NTRK2: variants seen among roughly 807,000 people sequenced by gnomAD.
NTRK2 encodes BDNF/NT-3 growth factors receptor.
NTRK2 carries 13 observed loss-of-function variants against 94.5 expected under a neutral mutation model. The ratio of observed to expected loss-of-function variants is 0.14; its 90% confidence interval spans 0.09 to 0.22. The LOEUF (loss-of-function observed/expected upper bound fraction) is 0.22, where lower values mean the gene tolerates loss of function less well. Among genes scored for constraint, NTRK2 ranks in the 10% least tolerant of loss-of-function variants. The pLI is 1.00. For missense variants in NTRK2, 639 were observed against 1,071.2 expected (o/e 0.60, Z 5.63); for synonymous variants, 372 against 407.4 (o/e 0.91, Z 1.05).
At chr9:84,729,953 A>C (rs1327065750) in intron 9 of NTRK2, among the ~76,000 whole-genome samples, 1 of 152,222 alleles carries the variant, frequency 6.6e-6, no homozygotes, top group African/African-American at 2.4e-5. Flanking sequence ...ATTTTCATTG[A>C]TCATTTCTGC....
At chr9:85,006,003 G>T (rs146140146) in intron 17 of NTRK2, among the ~76,000 whole-genome samples, 11 of 152,242 alleles carry the variant, frequency 7.2e-5, no homozygotes, top group Non-Finnish European at 1.5e-4. Context: ...TCACATCCGT[G>T]ACCCCTGTGC....
intron 10 of NTRK2, among the ~76,000 whole-genome samples, chr9:84,742,799 T>G (rs1588299330): frequency 7.4e-6 from 1 of 134,674 alleles, no homozygotes; most frequent in Non-Finnish European, 1.5e-5. Context: ...GTTTTTTTTT[T>G]TTTTTTTTTT....
rs190327289 is a variant in NTRK2, at chr9:84,768,363, A to C, written c.1396+16278A>C. Among the ~76,000 whole-genome samples the C allele has an allele frequency of 1.6e-3, 240 of 152,238 alleles. 1 individual carries two copies. The highest frequency in any genetic ancestry group is 2.3e-3 in the Non-Finnish European group (157 of 68,000). On this transcript the variant is annotated intron_variant, in intron 12 of 18. Transcript: ENST00000277120. ...TATTTTGTAACTGTAGTAATTGTTGAGAATTTTGTTTGTGGAAGACACTCA... is the reference window on the plus strand; with the variant it reads ...TATTTTGTAACTGTAGTAATTGTTGCGAATTTTGTTTGTGGAAGACACTCA...
intron 10 of NTRK2, among the ~76,000 whole-genome samples, chr9:84,744,444 T>C (rs769627298): frequency 6.6e-6 from 1 of 152,210 alleles, no homozygotes; most frequent in Non-Finnish European, 1.5e-5. Flanking sequence ...CTCTGCCCTT[T>C]GTGCAAATAA....
At chr9:84,980,135 C>G (rs1471255790) in intron 17 of NTRK2, among the ~76,000 whole-genome samples, 2 of 152,090 alleles carry the variant, frequency 1.3e-5, no homozygotes, top group African/African-American at 4.8e-5. Context: ...AATTTGTGTT[C>G]ATTTTGTGTG....
chr9:84,951,916 C>T (rs2078797408), intron 16 of NTRK2, among the ~76,000 whole-genome samples: 1 of 152,100 alleles, frequency 6.6e-6, no homozygotes, highest in Admixed American at 6.5e-5. Flanking sequence ...ATCCAGAAGC[C>T]ATATATTAAG....
At chr9:84,738,266 C>T (rs1267494190) in intron 9 of NTRK2, among the ~76,000 whole-genome samples, 1 of 151,588 alleles carries the variant, frequency 6.6e-6, no homozygotes, top group African/African-American at 2.4e-5. Flanking sequence ...GGGCATGGCT[C>T]AAGTCAGATA....
chr9:84,745,700 A>G (rs1447962306), intron 11 of NTRK2, among the ~76,000 whole-genome samples: 1 of 152,166 alleles, frequency 6.6e-6, no homozygotes, highest in African/African-American at 2.4e-5. Context: ...TTTGACATAC[A>G]GGAATGGAAG....
At chr9:84,728,087 A>C in intron 9 of NTRK2, 128 bp downstream of exon 9, 6 of 847,666 alleles carry the variant, frequency 7.1e-6, no homozygotes, top group Non-Finnish European at 9.8e-6. Flanking sequence ...AGTGTTGCTC[A>C]TGGATCCATA....
At chr9:84,715,365 T>A (rs959894139) in intron 6 of NTRK2, among the ~76,000 whole-genome samples, 5 of 152,172 alleles carry the variant, frequency 3.3e-5, no homozygotes, top group African/African-American at 1.2e-4. Context: ...TTTATATCCT[T>A]AGAGATTAAT....
intron 16 of NTRK2, among the ~76,000 whole-genome samples, chr9:84,952,144 G>T (rs1485883043): frequency 6.6e-6 from 1 of 152,170 alleles, no homozygotes; most frequent in Non-Finnish European, 1.5e-5. Flanking sequence ...AACCATCCTT[G>T]CCGTCATTCC....
intron 12 of NTRK2, chr9:84,815,261 T>C (rs990165134): frequency 3.8e-6 from 4 of 1,054,402 alleles, no homozygotes; most frequent in Non-Finnish European, 2.3e-6. Flanking sequence ...CCAGAATGTG[T>C]TGAACCAACC....
chr9:84,985,763 C>T (rs1828213653), intron 17 of NTRK2, among the ~76,000 whole-genome samples: 1 of 152,226 alleles, frequency 6.6e-6, no homozygotes, highest in African/African-American at 2.4e-5. Flanking sequence ...TACATTAATA[C>T]AGCCAACATT....
chr9:84,801,030 T>A (rs971962030), intron 12 of NTRK2, among the ~76,000 whole-genome samples: 4 of 152,232 alleles, frequency 2.6e-5, no homozygotes, highest in Admixed American at 2.6e-4. Context: ...ATTGATGTGA[T>A]CATTTGCAGT....
intron 12 of NTRK2, among the ~76,000 whole-genome samples, chr9:84,822,623 A>T (rs924718944): frequency 3.9e-5 from 6 of 152,166 alleles, no homozygotes; most frequent in African/African-American, 9.7e-5. Context: ...TAAGAGAGGG[A>T]TGGAGGCTTA....
chr9:84,834,248 T>C (rs752438650), intron 12 of NTRK2, among the ~76,000 whole-genome samples: 1 of 152,242 alleles, frequency 6.6e-6, no homozygotes, highest in Non-Finnish European at 1.5e-5. Flanking sequence ...TTATGTTTCA[T>C]GCACAAAATA....
At chr9:84,998,021 T>C (rs937225022) in intron 17 of NTRK2, among the ~76,000 whole-genome samples, 3 of 152,208 alleles carry the variant, frequency 2.0e-5, no homozygotes, top group Non-Finnish European at 1.5e-5. Flanking sequence ...ACCTCTCACC[T>C]CTTGGCCTGG....
chr9:84,855,941 C>A (rs2075042701), intron 12 of NTRK2, among the ~76,000 whole-genome samples: 1 of 152,180 alleles, frequency 6.6e-6, no homozygotes, highest in African/African-American at 2.4e-5. Flanking sequence ...TTGCTCTGCT[C>A]CCCTTCATTG....
At chr9:84,824,437 A>G (rs1002209705) in intron 12 of NTRK2, among the ~76,000 whole-genome samples, 2 of 151,882 alleles carry the variant, frequency 1.3e-5, no homozygotes, top group African/African-American at 2.4e-5. Flanking sequence ...ATCATCTTAG[A>G]CCCTGGCAAA....
Sources: gnomAD v4.1 joint callset for allele counts (sites outside exome capture counted in the v4.1 genomes callset) on GRCh38, gnomAD v4.1.1 for gene constraint, MANE v1.5 for transcripts, NCBI Gene and HGNC (gene_info 2026-07-23, HGNC 2026-07-21) for gene names.